The following TRAPPC12 variants were observed in gnomAD, a reference collection of about 807,000 sequenced individuals.
TRAPPC12 encodes the protein trafficking protein particle complex subunit 12.
In TRAPPC12, 61 loss-of-function variants were observed where a neutral mutation model predicts 69.2. The ratio of observed to expected loss-of-function variants is 0.88; its 90% confidence interval spans 0.72 to 1.09. The LOEUF is 1.09. TRAPPC12 is among the 50% of genes least tolerant of loss of function. The probability of loss-of-function intolerance (pLI) is 0.00; values close to 1 mark genes in which losing one functional copy is unlikely to be tolerated. For missense variants in TRAPPC12, 1,101 were observed against 1,016.4 expected (o/e 1.08, Z -1.13); for synonymous variants, 469 against 438.9 (o/e 1.07, Z -0.86).
intron 6 of TRAPPC12, among the ~76,000 whole-genome samples, chr2:3,450,345 AAAG>A (rs1473088540): frequency 2.0e-5 from 3 of 152,166 alleles, no homozygotes; most frequent in Non-Finnish European, 4.4e-5. Context: ...ATCTGAGTAG[AAAG>A]AAGAAAGTGT....
intron 5 of TRAPPC12, among the ~76,000 whole-genome samples, chr2:3,426,616 T>C (rs1663115070): frequency 6.6e-6 from 1 of 152,242 alleles, no homozygotes; most frequent in Non-Finnish European, 1.5e-5. Flanking sequence ...CAAGCAGGCC[T>C]TCTGTCCCCA....
intron 5 of TRAPPC12, among the ~76,000 whole-genome samples, chr2:3,426,394 C>T (rs1038544592): frequency 6.6e-6 from 1 of 152,224 alleles, no homozygotes; most frequent in Admixed American, 6.5e-5. Flanking sequence ...GACGTAGACG[C>T]CAGTCCTTAA....
At chr2:3,407,786 A>G (rs1231610307) in intron 3 of TRAPPC12, among the ~76,000 whole-genome samples, 2 of 151,938 alleles carry the variant, frequency 1.3e-5, no homozygotes, top group Non-Finnish European at 2.9e-5. Context: ...ACAGAGCAAG[A>G]CTCCGTTTCA....
intron 5 of TRAPPC12, among the ~76,000 whole-genome samples, chr2:3,425,668 A>T (rs1240558146): frequency 6.6e-6 from 1 of 152,122 alleles, no homozygotes; most frequent in African/African-American, 2.4e-5. Flanking sequence ...TGCAGGCTCG[A>T]TTGTCAGCAT....
chr2:3,465,060 G>A (rs1337846073), intron 8 of TRAPPC12, among the ~76,000 whole-genome samples: 2 of 152,116 alleles, frequency 1.3e-5, no homozygotes, highest in African/African-American at 4.8e-5. Flanking sequence ...CGACATTCAC[G>A]CACTCTGCAA....
chr2:3,476,698 A>C (rs755916606), intron 9 of TRAPPC12, among the ~76,000 whole-genome samples: 1 of 152,232 alleles, frequency 6.6e-6, no homozygotes, highest in Non-Finnish European at 1.5e-5. Flanking sequence ...TTAATGCTGG[A>C]CAGATGCTTG....
chr2:3,386,169 A>G (rs1441817536), intron 1 of TRAPPC12, among the ~76,000 whole-genome samples: 1 of 152,208 alleles, frequency 6.6e-6, no homozygotes, highest in Admixed American at 6.5e-5. Context: ...AAGTGTTGAC[A>G]GTGAGAAAAG....
At chr2:3,402,901 G>A (rs1661526464) in intron 3 of TRAPPC12, among the ~76,000 whole-genome samples, 1 of 152,170 alleles carries the variant, frequency 6.6e-6, no homozygotes, top group South Asian at 2.1e-4. Context: ...AGTGGACTTA[G>A]CAAAGCCATG....
Position 3,388,681 on chromosome 2 carries a change from G to T in TRAPPC12, c.1047+11G>T. 1 of 1,529,556 alleles carries T rather than the reference G, an allele frequency of 6.5e-7. No homozygotes were observed. Among genetic ancestry groups the T allele is most frequent in the Non-Finnish European group, 8.8e-7 (1 of 1,134,316 alleles). 94.7% of individuals were successfully genotyped at this position (1,529,556 alleles called of 1,614,324 possible). A position where few individuals can be genotyped will look rare whatever the true frequency, so the allele number is the denominator to read the frequency against. On this transcript the variant is annotated intron_variant, in intron 2 of 11. Coordinates refer to ENST00000324266, the MANE Select transcript of TRAPPC12 (RefSeq NM_016030.6). ...TTCGACAACATCCAGGTGAGCCCGG[G>T]TCTCCCACCTCCGCAGCCCGTGCCT... is the stretch of plus-strand genomic sequence containing the variant.
intron 5 of TRAPPC12, among the ~76,000 whole-genome samples, chr2:3,432,561 G>A (rs899446762): frequency 6.6e-6 from 1 of 152,118 alleles, no homozygotes; most frequent in Non-Finnish European, 1.5e-5. Context: ...ACCTCACCTT[G>A]CAGAGTGACC....
At chr2:3,383,871 G>GTTCTTTTTTT (rs1660353556) in intron 1 of TRAPPC12, among the ~76,000 whole-genome samples, 1 of 85,592 alleles carries the variant, frequency 1.2e-5, no homozygotes, top group Non-Finnish European at 2.3e-5. Context: ...GTTCAGTCTT[G>GTTCTTTTTTT]TTTTTTTTTT....
chr2:3,382,949 A>G (rs1170464017), intron 1 of TRAPPC12, among the ~76,000 whole-genome samples: 2 of 152,220 alleles, frequency 1.3e-5, no homozygotes, highest in Admixed American at 6.5e-5. Flanking sequence ...CTAATAAAAT[A>G]ATAGAAATAA....
rs1662217127 is a variant in TRAPPC12 at position 3,414,283 on chromosome 2, C to T, written c.1165-7598C>T. ...ATGTGACCCACTTGGCAGCCAGTAC[C>T]CATCGTAACCAGTCACTCAAACCAG... is the stretch of plus-strand genomic sequence containing the variant. On this transcript the variant is annotated intron_variant, in intron 3 of 11. Coordinates refer to ENST00000324266, the MANE Select transcript of TRAPPC12 (RefSeq NM_016030.6). The surrounding 1 kb of genome is among the most constrained non-coding windows in gnomAD (Gnocchi z 4.9). 6.6e-6 allele frequency among the ~76,000 whole-genome samples: 1 copy of T among 152,156 alleles called. No individual in the cohort carries two copies. The highest frequency in any genetic ancestry group is 2.4e-5 in the African/African-American group (1 of 41,418).
Position 3,478,887 on chromosome 2 carries a change from A to G in TRAPPC12, c.1919A>G (p.His640Arg). 6.2e-6 allele frequency: 10 copies of G among 1,614,194 alleles called. No individual in the cohort carries two copies. Among genetic ancestry groups the G allele is most frequent in the Non-Finnish European group, 8.5e-6 (10 of 1,180,034 alleles). Reference protein sequence around the residue: ...HLGQNNFAEAHRFFTEILRMD... With the variant: ...HLGQNNFAEARRFFTEILRMD... ...GGGCAGAATAACTTTGCAGAAGCCC[A>G]CAGGTTCTTCACAGAGATCTTAAGG... is the stretch of plus-strand genomic sequence containing the variant. Residue 640 changes from histidine to arginine, a missense_variant, in exon 11 of 12, where the codon CAC becomes CGC. Transcript: ENST00000324266.
At chr2:3,473,842 A>C (rs1405630781) in intron 9 of TRAPPC12, among the ~76,000 whole-genome samples, 3 of 152,228 alleles carry the variant, frequency 2.0e-5, no homozygotes, top group Admixed American at 6.5e-5. Context: ...AAATATGAAA[A>C]GAACTGGGTT....
intron 3 of TRAPPC12, among the ~76,000 whole-genome samples, chr2:3,409,741 C>CTTTTTTTTTTTTTT (rs1558358525): frequency 3.9e-5 from 2 of 51,752 alleles, no homozygotes; most frequent in Non-Finnish European, 7.3e-5. Flanking sequence ...CAAAGCAAGA[C>CTTTTTTTTTTTTTT]TTTGTCTTTA....
intron 3 of TRAPPC12, among the ~76,000 whole-genome samples, chr2:3,408,881 C>G (rs1481735683): frequency 6.6e-6 from 1 of 152,194 alleles, no homozygotes; most frequent in African/African-American, 2.4e-5. Context: ...GCGACCTGAC[C>G]AAGCTCACTC....
chr2:3,461,353 T>C (rs190196685), intron 8 of TRAPPC12, among the ~76,000 whole-genome samples: 1 of 151,750 alleles, frequency 6.6e-6, no homozygotes, highest in East Asian at 1.9e-4. Flanking sequence ...CACCCCGGCT[T>C]TAGCGCAGCC....
chr2:3,388,189 G>A lies in TRAPPC12; in HGVS notation c.566G>A (p.Ser189Asn), dbSNP rs1558338955. 6.2e-7 allele frequency: 1 copy of A among 1,609,134 alleles called. No individual in the cohort carries two copies. Among genetic ancestry groups the A allele is most frequent in the Non-Finnish European group, 8.5e-7 (1 of 1,177,968 alleles). Reference sequence around the variant, plus strand: ...AAGTCGCCCAGCTTCGGTGGCGCCAGCGAGGCCTCGGCCAGGACACCGCCC... The same window carrying A: ...AAGTCGCCCAGCTTCGGTGGCGCCAACGAGGCCTCGGCCAGGACACCGCCC... Reference protein sequence around the residue: ...MVKSPSFGGASEASARTPPQV... With the variant: ...MVKSPSFGGANEASARTPPQV... Residue 189 changes from serine to asparagine, a missense_variant, in exon 2 of 12, where the codon AGC (serine) becomes AAC (asparagine). Transcript: ENST00000324266.
Sources: gnomAD v4.1 joint callset for allele counts (sites outside exome capture counted in the v4.1 genomes callset) on GRCh38, gnomAD v4.1.1 for gene constraint, Gnocchi (gnomAD v3.1) non-coding constraint, MANE v1.5 for transcripts, NCBI Gene and HGNC (gene_info 2026-07-23, HGNC 2026-07-21) for gene names.